Variants in GPHN observed in about 807,000 individuals in gnomAD.
The protein encoded by GPHN is gephyrin.
Under a neutral mutation model 95.5 loss-of-function variants are expected in GPHN, and 17 were observed. The ratio of observed to expected loss-of-function variants is 0.18; its 90% CI spans 0.12 to 0.27. The LOEUF is 0.27. Ranked by LOEUF, GPHN falls within the 10% of genes least tolerant of loss-of-function variation. The pLI, the probability that GPHN is intolerant of heterozygous loss-of-function variation, is 1.00. For missense variants in GPHN, 660 were observed against 978.1 expected, an observed-to-expected ratio of 0.67 and a Z score of 4.34; for synonymous variants, 320 against 322.5, an observed-to-expected ratio of 0.99 and a Z score of 0.08.
At chr14:67,423,471 G>A in the GPHN span, among the ~76,000 whole-genome samples, 1 of 152,112 alleles carries the variant, frequency 6.6e-6, no homozygotes, top group Non-Finnish European at 1.5e-5. Context: ...GGCTCTGAAG[G>A]GGGCCAAGAG....
chr14:67,411,983 C>A, the GPHN span: 2 of 1,522,818 alleles, frequency 1.3e-6, no homozygotes, highest in South Asian at 1.2e-5. Context: ...CGGGGCCCCA[C>A]CCGGGCAATG....
At chr14:66,612,040 G>A (rs769241350) in intron 1 of GPHN, among the ~76,000 whole-genome samples, 13 of 150,660 alleles carry the variant, frequency 8.6e-5, no homozygotes, top group South Asian at 4.2e-4. Flanking sequence ...TTTTTTCTTC[G>A]CCTAATACTT....
At chr14:67,062,785 T>C (rs1009457372) in intron 11 of GPHN, among the ~76,000 whole-genome samples, 2 of 152,186 alleles carry the variant, frequency 1.3e-5, no homozygotes, top group African/African-American at 4.8e-5. Flanking sequence ...TTCTTGTAAA[T>C]TTGTTTAAGT....
At chr14:67,038,890 A>G (rs747104510) in intron 10 of GPHN, among the ~76,000 whole-genome samples, 8 of 152,138 alleles carry the variant, frequency 5.3e-5, no homozygotes, top group Non-Finnish European at 8.8e-5. Flanking sequence ...TCAGTCAGTC[A>G]TGGAACCCTC....
chr14:66,780,771 A>G (rs1038187561), intron 3 of GPHN, among the ~76,000 whole-genome samples: 1 of 152,216 alleles, frequency 6.6e-6, no homozygotes, highest in Non-Finnish European at 1.5e-5. Flanking sequence ...ATTTGATGGC[A>G]CATTAGCATT....
the GPHN span, among the ~76,000 whole-genome samples, chr14:67,318,826 G>A: frequency 6.6e-6 from 1 of 152,096 alleles, no homozygotes; most frequent in Non-Finnish European, 1.5e-5. Context: ...GGGAGGCCGA[G>A]GCAGGCGGAT....
the GPHN span, among the ~76,000 whole-genome samples, chr14:67,290,990 C>T: frequency 4.6e-5 from 7 of 152,156 alleles, no homozygotes; most frequent in South Asian, 1.2e-3. Flanking sequence ...TAGAAGAAAT[C>T]TAGGTAAATA....
the GPHN span, chr14:67,659,983 T>G: frequency 6.6e-7 from 1 of 1,523,652 alleles, no homozygotes; most frequent in South Asian, 1.2e-5. Flanking sequence ...TTTGGAAATA[T>G]GCCTAGTTTG....
the GPHN span, among the ~76,000 whole-genome samples, chr14:67,429,820 C>A: frequency 1.3e-5 from 2 of 152,100 alleles, no homozygotes; most frequent in African/African-American, 4.8e-5. Flanking sequence ...GATACAGTAC[C>A]AGCACCAAGC....
chr14:67,347,333 T>C, the GPHN span: 1 of 1,220,010 alleles, frequency 8.2e-7, no homozygotes. Context: ...AGCACCATTT[T>C]CCAGAACTTA....
chr14:67,650,915 A>G, the GPHN span: 1 of 1,613,908 alleles, frequency 6.2e-7, no homozygotes, highest in Non-Finnish European at 8.5e-7. Context: ...ACGTGTGAGA[A>G]TTTAGGAGAC....
chr14:66,917,938 C>T (rs1005532571), intron 6 of GPHN, among the ~76,000 whole-genome samples: 1 of 152,026 alleles, frequency 6.6e-6, no homozygotes, highest in Non-Finnish European at 1.5e-5. Flanking sequence ...TTTTTGACAC[C>T]AACTGTAAGG....
chr14:67,236,511 A>G, the GPHN span, among the ~76,000 whole-genome samples: 188 of 152,308 alleles, frequency 1.2e-3, no homozygotes, highest in Non-Finnish European at 2.2e-3. Flanking sequence ...TTCAGTGCCT[A>G]TAGCACAATG....
rs1037687902 is a variant in GPHN at position 67,181,286 on chromosome 14, C to G, written c.*349C>G. On this transcript the variant is annotated 3_prime_UTR_variant, in exon 23 of 23. Transcript: ENST00000478722. ...TCTTTAAAATACAACTACTTATGCT[C>G]TTAAATCAAGGCTGTCTGCTTATTT... 1 of 440,418 alleles carries G rather than the reference C, an allele frequency of 2.3e-6. No homozygotes were observed. The highest frequency in any genetic ancestry group is 4.2e-6 in the Non-Finnish European group (1 of 236,004). 27.3% of individuals were successfully genotyped at this position (440,418 alleles called of 1,614,324 possible).
At chr14:67,669,127 A>G in the GPHN span, among the ~76,000 whole-genome samples, 6 of 152,284 alleles carry the variant, frequency 3.9e-5, no homozygotes, top group South Asian at 1.2e-3. Context: ...CCCATTTGGC[A>G]GGAAAAACTA....
chr14:67,187,896 C>T, the GPHN span, among the ~76,000 whole-genome samples: 1 of 152,286 alleles, frequency 6.6e-6, no homozygotes, highest in African/African-American at 2.4e-5. Context: ...TATCTTATCA[C>T]TACATAACAC....
chr14:67,350,599 T>C, the GPHN span: 1 of 1,610,592 alleles, frequency 6.2e-7, no homozygotes, highest in Non-Finnish European at 8.5e-7. Context: ...ACACCCCGTT[T>C]AGTCCCCTTA....
chr14:66,721,155 C>A (rs1045433178), intron 2 of GPHN, among the ~76,000 whole-genome samples: 3 of 152,114 alleles, frequency 2.0e-5, no homozygotes, highest in Non-Finnish European at 4.4e-5. Flanking sequence ...TTATCAGAAA[C>A]CTTTATTCTG....
chr14:67,600,216 C>G, the GPHN span: 1 of 1,557,990 alleles, frequency 6.4e-7, no homozygotes, highest in Non-Finnish European at 8.7e-7. Flanking sequence ...CGCCCCCACT[C>G]GGCCGCCCGC....
Sources: allele counts gnomAD v4.1 joint callset (sites outside exome capture counted in the v4.1 genomes callset), GRCh38; gene constraint gnomAD v4.1.1; transcripts MANE v1.5; gene names NCBI Gene and HGNC (gene_info 2026-07-23, HGNC 2026-07-21).